Variants in BCR observed in about 807,000 individuals in gnomAD.
The protein encoded by BCR is breakpoint cluster region protein.
A neutral mutation model predicts 138.6 loss-of-function variants in BCR; 58 were observed. The observed-to-expected ratio is 0.42, with a 90% CI of 0.34 to 0.52. The LOEUF (loss-of-function observed/expected upper bound fraction) is 0.52, where lower values mean the gene tolerates loss of function less well. BCR is among the 20% of genes least tolerant of loss of function. The pLI is 0.06. For missense variants in BCR, 1,599 were observed against 1,727.2 expected (o/e 0.93, Z 1.32); for synonymous variants, 786 against 730.1 (o/e 1.08, Z -1.23).
At chr22:23,242,713 A>T (rs1284376299) in intron 1 of BCR, 1 of 326,892 alleles carries the variant, frequency 3.1e-6, no homozygotes, top group Non-Finnish European at 6.2e-6. Context: ...CTGTCCTCAG[A>T]CTCCATGGCA....
intron 1 of BCR, among the ~76,000 whole-genome samples, chr22:23,207,619 T>G (rs2072632629): frequency 6.6e-6 from 1 of 152,126 alleles, no homozygotes; most frequent in African/African-American, 2.4e-5. Context: ...ACAGACCCTG[T>G]CTCTGAAAAA....
At position 23,261,415 on chromosome 22, in the gene BCR, A is replaced by G. The variant is rs1159813330; in HGVS notation, c.1627A>G (p.Ile543Val). The G allele has an allele frequency of 1.2e-6, 2 of 1,613,872 alleles. No homozygotes were observed. Among genetic ancestry groups the G allele is most frequent in the Admixed American group, 1.7e-5 (1 of 60,004 alleles). The change falls in exon 4 of 23, where the codon ATC (isoleucine) becomes GTC (valine). Residue 543 changes from isoleucine to valine, a missense_variant. Ile to Val is a conservative substitution (Grantham distance 29, BLOSUM62 3). This residue lies in a region of BCR where 590 missense variants were observed against 762.4 expected (regional missense o/e 0.77). Transcript: ENST00000305877. ...TCAGCCGGTGCTGACGAGTCAGCAG[A>G]TCGAGACCATCTTCTTCAAAGTGCC... ...TSQPVLTSQQIETIFFKVPEL... is the reference protein window; with the variant it reads ...TSQPVLTSQQVETIFFKVPEL...
chr22:23,194,402 CTTTTTTTT>C (rs374624643), intron 1 of BCR, among the ~76,000 whole-genome samples: 2 of 130,884 alleles, frequency 1.5e-5, no homozygotes, highest in Non-Finnish European at 3.5e-5. Flanking sequence ...TTTTTTTTTT[CTTTTTTTT>C]TTTCTTTCTT....
intron 1 of BCR, among the ~76,000 whole-genome samples, chr22:23,206,049 C>T (rs2072608995): frequency 6.6e-6 from 1 of 152,200 alleles, no homozygotes; most frequent in Admixed American, 6.5e-5. Context: ...CATGAGGATT[C>T]TTTCCTCAGA....
chr22:23,188,811 C>T (rs1459360544), intron 1 of BCR, among the ~76,000 whole-genome samples: 1 of 151,832 alleles, frequency 6.6e-6, no homozygotes. Flanking sequence ...AATTAAAATA[C>T]AATATCCATG....
intron 16 of BCR, among the ~76,000 whole-genome samples, chr22:23,303,931 C>CTTT (rs131683): frequency 0.095 from 10,119 of 105,994 alleles, 742 homozygotes; most frequent in African/African-American, 0.14. Context: ...TCCTTGTTGC[C>CTTT]TTTTTTTTTT....
intron 1 of BCR, among the ~76,000 whole-genome samples, chr22:23,197,493 G>A (rs957655257): frequency 2.6e-5 from 4 of 152,156 alleles, no homozygotes; most frequent in African/African-American, 9.7e-5. Flanking sequence ...TTCATTCTGA[G>A]GTTGCTTGAA....
intron 1 of BCR, among the ~76,000 whole-genome samples, chr22:23,200,129 A>T (rs2072535328): frequency 6.6e-6 from 1 of 151,760 alleles, no homozygotes; most frequent in Non-Finnish European, 1.5e-5. Flanking sequence ...ACAGGGCATG[A>T]TACTGACGAG....
chr22:23,199,393 G>T, intron 1 of BCR: 1 of 485,356 alleles, frequency 2.1e-6, no homozygotes, highest in Non-Finnish European at 4.1e-6. Flanking sequence ...TAAGGCCACA[G>T]TCTCAGGTTC....
At chr22:23,217,022 C>T (rs915994784) in intron 1 of BCR, 1 of 451,346 alleles carries the variant, frequency 2.2e-6, no homozygotes, top group African/African-American at 2.0e-5. Context: ...ATGGGAGGAG[C>T]AGCAGTGTCA....
Position 23,240,478 on chromosome 22 carries a change from C to T in BCR, c.1280-13321C>T, listed in dbSNP as rs943124198. 5.3e-5 allele frequency among the ~76,000 whole-genome samples: 8 copies of T among 151,654 alleles called. No individual in the cohort carries two copies. The East Asian group carries it at 7.8e-4, about 15-fold the overall frequency. The stretch of plus-strand genomic sequence containing the variant: ...CATCCTGACTAACACGGTGAAACCC[C>T]GTCTCTACTAAAAATACAAAAAATC... On this transcript the variant is annotated intron_variant, in intron 1 of 22. Coordinates refer to ENST00000305877, the MANE Select transcript of BCR (RefSeq NM_004327.4).
intron 1 of BCR, among the ~76,000 whole-genome samples, chr22:23,188,595 T>G (rs1300815943): frequency 6.6e-6 from 1 of 152,120 alleles, no homozygotes; most frequent in Non-Finnish European, 1.5e-5. Context: ...TTAGAGTGAA[T>G]GAATGGGCAT....
intron 1 of BCR, among the ~76,000 whole-genome samples, chr22:23,249,609 G>A (rs1398558482): frequency 1.3e-5 from 2 of 151,946 alleles, no homozygotes; most frequent in South Asian, 4.2e-4. Context: ...CGGGTGGGGG[G>A]TGGTGCTTTG....
intron 1 of BCR, among the ~76,000 whole-genome samples, chr22:23,244,912 G>A (rs565621131): frequency 2.0e-5 from 3 of 152,288 alleles, no homozygotes; most frequent in South Asian, 4.1e-4. Context: ...TATTGCCTCC[G>A]GGAATGACTG....
chr22:23,199,264 C>G (rs1196931742), intron 1 of BCR: 1 of 518,632 alleles, frequency 1.9e-6, no homozygotes, highest in African/African-American at 1.9e-5. Context: ...TGTGCAAGAG[C>G]CAGGAAGGCT....
rs2074065849 is a variant in BCR at position 23,315,792 on chromosome 22, G to T, written c.*270G>T. The T allele has an allele frequency of 1.8e-6, 1 of 549,762 alleles. No homozygotes were observed. Among genetic ancestry groups the T allele is most frequent in the African/African-American group, 1.9e-5 (1 of 53,494 alleles). The allele number at this position is 549,762 out of a possible 1,614,324, so 34.1% of individuals were successfully genotyped here. On this transcript the variant is annotated 3_prime_UTR_variant, in exon 23 of 23. Transcript: ENST00000305877. Reference sequence around the variant, plus strand: ...CCAGTTCATCTCGGAGTCCAGGCCTGGCCCTGGGAGACAGGGTGAAGGGAG... The same window carrying T: ...CCAGTTCATCTCGGAGTCCAGGCCTTGCCCTGGGAGACAGGGTGAAGGGAG...
chr22:23,278,440 G>A (rs1033419176), intron 8 of BCR, among the ~76,000 whole-genome samples: 5 of 152,196 alleles, frequency 3.3e-5, no homozygotes, highest in Admixed American at 2.6e-4. Context: ...AAGAGTTGGA[G>A]AACAGGCTGG....
intron 1 of BCR, among the ~76,000 whole-genome samples, chr22:23,204,894 G>C (rs1255869840): frequency 4.6e-5 from 7 of 152,248 alleles, no homozygotes; most frequent in African/African-American, 2.4e-5. Context: ...GGTAGTGCCA[G>C]CTGGTGTCTT....
chr22:23,276,752 A>G (rs1485281629), intron 8 of BCR, among the ~76,000 whole-genome samples: 2 of 152,250 alleles, frequency 1.3e-5, no homozygotes, highest in South Asian at 2.1e-4. Context: ...CCACCTCGGT[A>G]TCCCCTGGCA....
Sources: gnomAD v4.1 joint callset for allele counts (sites outside exome capture counted in the v4.1 genomes callset) on GRCh38, gnomAD v4.1.1 for gene constraint, gnomAD v4.1.1 regional missense constraint, MANE v1.5 for transcripts, NCBI Gene and HGNC (gene_info 2026-07-23, HGNC 2026-07-21) for gene names.